Variants in CAMK2D observed in about 807,000 individuals in gnomAD.
The protein encoded by CAMK2D is calcium/calmodulin dependent protein kinase II delta.
In CAMK2D, 37 loss-of-function variants were observed where a neutral mutation model predicts 84.0. That is an observed-to-expected ratio of 0.44 (90% confidence interval 0.34 to 0.58). The LOEUF is 0.58. CAMK2D is among the 20% of genes least tolerant of loss of function. CAMK2D has a pLI of 0.02. For synonymous variants in CAMK2D, 202 were observed against 212.5 expected, an observed-to-expected ratio of 0.95 and a Z score of 0.43; for missense variants, 448 against 652.5, an observed-to-expected ratio of 0.69 and a Z score of 3.41.
At chr4:113,543,185 T>C (rs568392017) in intron 6 of CAMK2D, among the ~76,000 whole-genome samples, 2 of 152,344 alleles carry the variant, frequency 1.3e-5, no homozygotes, top group African/African-American at 4.8e-5. Context: ...GTCATAGAAA[T>C]TGTATTCTCC....
intron 16 of CAMK2D, among the ~76,000 whole-genome samples, chr4:113,476,062 T>G (rs796747957): frequency 4.6e-5 from 7 of 152,274 alleles, no homozygotes; most frequent in African/African-American, 1.7e-4. Flanking sequence ...TAAGGAGAAT[T>G]TTTCCAATTT....
intron 2 of CAMK2D, among the ~76,000 whole-genome samples, chr4:113,699,357 G>GA (rs936660797): frequency 3.3e-5 from 5 of 152,004 alleles, no homozygotes; most frequent in African/African-American, 1.2e-4. Flanking sequence ...TGTATTCTCA[G>GA]AAAAAAGTGA....
chr4:113,639,193 G>A (rs901786782), intron 3 of CAMK2D, among the ~76,000 whole-genome samples: 3 of 151,638 alleles, frequency 2.0e-5, no homozygotes, highest in Non-Finnish European at 4.4e-5. Context: ...ACTGAGCTAT[G>A]ATCTCTTCAC....
In CAMK2D at chr4:113,554,796, C is replaced by CA. The variant is rs568735249; in HGVS notation, c.276-2701dup. Among the ~76,000 whole-genome samples the CA allele has an allele frequency of 9.2e-5, 14 of 151,960 alleles. No individual in the cohort carries two copies. The South Asian group carries it at 2.9e-3, about 32-fold the overall frequency. Reference sequence around the variant, plus strand: ...GCTTTGTGAAATTTCATATAATGCCCAAATTAAATCAGTCTCATGAATAAA... The same window carrying CA: ...GCTTTGTGAAATTTCATATAATGCCCAAAATTAAATCAGTCTCATGAATAAA... On this transcript the variant is annotated intron_variant, in intron 4 of 20. Transcript: ENST00000511664.
intron 16 of CAMK2D, among the ~76,000 whole-genome samples, chr4:113,496,585 AT>A (rs1301622428): frequency 6.6e-6 from 1 of 151,662 alleles, no homozygotes; most frequent in African/African-American, 2.4e-5. Context: ...AGTTGCTGGG[AT>A]TACAGGCGCG....
chr4:113,482,987 G>GA (rs1374679909), intron 16 of CAMK2D, among the ~76,000 whole-genome samples: 6 of 152,272 alleles, frequency 3.9e-5, no homozygotes, highest in African/African-American at 1.4e-4. Context: ...TTGGCCAAGG[G>GA]AAAAATGTTA....
intron 8 of CAMK2D, among the ~76,000 whole-genome samples, chr4:113,518,836 T>C (rs943211053): frequency 1.3e-5 from 2 of 152,190 alleles, no homozygotes; most frequent in Non-Finnish European, 2.9e-5. Flanking sequence ...AAATGGTTTT[T>C]AAGCAATGGT....
Position 113,736,143 on chromosome 4 carries a change from A to AC in CAMK2D, c.160+23176_160+23177insG, listed in dbSNP as rs11447274. ...CTCACTAGTAGAATTAAAAAAAAAA[A>AC]AACAACACCCAGTAACATCACCACA... On this transcript the variant is annotated intron_variant, in intron 2 of 20. Coordinates refer to ENST00000511664, the MANE Select transcript of CAMK2D (RefSeq NM_001321571.2). Among the ~76,000 whole-genome samples the AC allele has an allele frequency of 5.3e-3, 807 of 151,394 alleles. 9 individuals are homozygous for AC. Among genetic ancestry groups the AC allele is most frequent in the African/African-American group, 0.018 (758 of 41,344 alleles).
intron 8 of CAMK2D, among the ~76,000 whole-genome samples, chr4:113,528,362 T>C (rs558222259): frequency 4.2e-4 from 64 of 152,180 alleles, no homozygotes; most frequent in Non-Finnish European, 5.4e-4. Flanking sequence ...ATTTGTGCCA[T>C]GTCATACAGC....
chr4:113,482,630 CTTATA>C (rs752551768), intron 16 of CAMK2D, among the ~76,000 whole-genome samples: 3 of 152,068 alleles, frequency 2.0e-5, no homozygotes, highest in African/African-American at 7.2e-5. Flanking sequence ...TAATCTATAA[CTTATA>C]TTAAATAAAA....
chr4:113,548,730 C>A, intron 5 of CAMK2D: 1 of 1,531,670 alleles, frequency 6.5e-7, no homozygotes, highest in Non-Finnish European at 9.0e-7. Flanking sequence ...TATACAATGA[C>A]TGCAAAGATA....
intron 2 of CAMK2D, among the ~76,000 whole-genome samples, chr4:113,725,797 A>G (rs2099544068): frequency 1.3e-5 from 2 of 152,220 alleles, no homozygotes; most frequent in Admixed American, 6.5e-5. Flanking sequence ...CAAGTCCAGT[A>G]AAAGGAAAAA....
At chr4:113,561,107 C>T (rs2098696404) in intron 4 of CAMK2D, among the ~76,000 whole-genome samples, 1 of 152,158 alleles carries the variant, frequency 6.6e-6, no homozygotes, top group South Asian at 2.1e-4. Flanking sequence ...GAGTTGGAAA[C>T]AGGAATCTCA....
chr4:113,692,656 A>G (rs79042737), intron 2 of CAMK2D, among the ~76,000 whole-genome samples: 15,906 of 151,882 alleles, frequency 0.1, 1,374 homozygotes, highest in African/African-American at 0.24. Context: ...TCATATATAC[A>G]TACATATATT....
chr4:113,622,258 C>CT (rs1467731959), intron 3 of CAMK2D, among the ~76,000 whole-genome samples: 2 of 152,120 alleles, frequency 1.3e-5, no homozygotes, highest in African/African-American at 4.8e-5. Context: ...GAGCAAACTT[C>CT]TTAACGTGAC....
At chr4:113,464,003 A>G (rs2097425625) in intron 17 of CAMK2D, among the ~76,000 whole-genome samples, 1 of 152,242 alleles carries the variant, frequency 6.6e-6, no homozygotes, top group African/African-American at 2.4e-5. Flanking sequence ...GCTTTCAGGT[A>G]TATAATAACA....
intron 3 of CAMK2D, among the ~76,000 whole-genome samples, chr4:113,627,462 C>T (rs2154282065): frequency 6.6e-6 from 1 of 152,208 alleles, no homozygotes; most frequent in Middle Eastern, 3.4e-3. Context: ...GTCAACTAAT[C>T]AATATATAAC....
intron 16 of CAMK2D, among the ~76,000 whole-genome samples, chr4:113,470,480 G>C (rs1282956036): frequency 6.6e-6 from 1 of 151,940 alleles, no homozygotes; most frequent in Non-Finnish European, 1.5e-5. Context: ...TCTGCTAAAA[G>C]TACAAACCTT....
chr4:113,515,657 A>C (rs1400393488), intron 9 of CAMK2D, among the ~76,000 whole-genome samples: 1 of 152,202 alleles, frequency 6.6e-6, no homozygotes, highest in African/African-American at 2.4e-5. Context: ...ACAACTCATA[A>C]GCAGTAATAG....
Sources: gnomAD v4.1 joint callset for allele counts (sites outside exome capture counted in the v4.1 genomes callset) on GRCh38, gnomAD v4.1.1 for gene constraint, MANE v1.5 for transcripts, NCBI Gene and HGNC (gene_info 2026-07-23, HGNC 2026-07-21) for gene names.